Variants in ZDHHC15 observed in about 807,000 individuals in gnomAD.
ZDHHC15 encodes the protein palmitoyltransferase ZDHHC15.
In ZDHHC15, 19 loss-of-function variants were observed where a neutral mutation model predicts 31.7. The ratio of observed to expected loss-of-function variants is 0.60; its 90% CI spans 0.42 to 0.88. The LOEUF is 0.88. Ranked by LOEUF, ZDHHC15 falls within the 40% of genes least tolerant of loss-of-function variation. The pLI is 0.00. For missense variants in ZDHHC15, 209 were observed against 251.2 expected (o/e 0.83, Z 1.14); for synonymous variants, 103 against 90.0 (o/e 1.14, Z -0.82).
chrX:75,396,434 A>G (rs940680704), intron 10 of ZDHHC15, among the ~76,000 whole-genome samples: 2 of 112,225 alleles, frequency 1.8e-5, no homozygotes, highest in East Asian at 2.8e-4. Context: ...AATCAAAACT[A>G]TAATGAGACC....
At chrX:75,505,956 C>T in intron 1 of ZDHHC15, 109 bp from the exon 2 acceptor site, 2 of 701,322 alleles carry the variant, frequency 2.9e-6, no homozygotes, top group Non-Finnish European at 4.4e-6. Flanking sequence ...TCATTTTCCA[C>T]AGCATCATTT....
rs59446128 is a variant in ZDHHC15, at chrX:75,491,025, G to C, written c.164-12040C>G. Among the ~76,000 whole-genome samples, 55 of 111,807 alleles carry C rather than the reference G, an allele frequency of 4.9e-4. No individual in the cohort carries two copies. In the East Asian group the frequency reaches 0.015, roughly 30 times the overall value. On this transcript the variant is annotated intron_variant, in intron 2 of 11. Coordinates refer to ENST00000373367, the MANE Select transcript of ZDHHC15 (RefSeq NM_144969.3). ...AAATAGGAACACTTTTACACTGTTG[G>C]TGGGACTGTAAACTAGTTCAACCAT...
intron 4 of ZDHHC15, among the ~76,000 whole-genome samples, chrX:75,433,082 C>T (rs1335915500): frequency 1.8e-5 from 2 of 111,853 alleles, no homozygotes; most frequent in African/African-American, 6.5e-5. Flanking sequence ...AAACTCCTTA[C>T]CATGGCCTGT....
At chrX:75,477,447 G>T (rs1380273201) in intron 3 of ZDHHC15, among the ~76,000 whole-genome samples, 1 of 111,642 alleles carries the variant, frequency 9.0e-6, no homozygotes, top group East Asian at 2.8e-4. Context: ...TGCAAGTGGG[G>T]TATTGAAGTC....
chrX:75,392,226 T>C (rs1271144255), intron 10 of ZDHHC15, among the ~76,000 whole-genome samples: 5 of 111,857 alleles, frequency 4.5e-5, no homozygotes, highest in Non-Finnish European at 9.4e-5. Flanking sequence ...ACTGAAGAAC[T>C]TGGAGTCCAA....
At chrX:75,510,194 A>G (rs759548946) in intron 1 of ZDHHC15, among the ~76,000 whole-genome samples, 1 of 111,930 alleles carries the variant, frequency 8.9e-6, no homozygotes, top group African/African-American at 3.2e-5. Flanking sequence ...TAATAAAAAT[A>G]TAGATTCCAG....
chrX:75,407,534 C>T (rs1215671157), intron 10 of ZDHHC15, among the ~76,000 whole-genome samples: 12 of 110,148 alleles, frequency 1.1e-4, no homozygotes, highest in Non-Finnish European at 1.7e-4. Flanking sequence ...CCAGCCGCCC[C>T]GTCCGGGAGG....
chrX:75,421,441 T>TAA (rs1556003952), intron 9 of ZDHHC15, among the ~76,000 whole-genome samples: 1 of 65,766 alleles, frequency 1.5e-5, no homozygotes, highest in African/African-American at 7.3e-5. Flanking sequence ...ATAATATATA[T>TAA]TATATATATA....
At chrX:75,383,152 CTG>C (rs899197024) in intron 10 of ZDHHC15, among the ~76,000 whole-genome samples, 1 of 111,963 alleles carries the variant, frequency 8.9e-6, no homozygotes, top group Non-Finnish European at 1.9e-5. Flanking sequence ...CACTTGCTAG[CTG>C]TGTGACTTTG....
intron 4 of ZDHHC15, among the ~76,000 whole-genome samples, chrX:75,447,476 C>T (rs967372995): frequency 5.4e-5 from 6 of 112,124 alleles, no homozygotes; most frequent in African/African-American, 1.3e-4. Context: ...GGTGTTATCA[C>T]GTTCCCCATC....
chrX:75,489,259 G>A (rs771939696), intron 2 of ZDHHC15, among the ~76,000 whole-genome samples: 2 of 111,980 alleles, frequency 1.8e-5, no homozygotes, highest in South Asian at 3.8e-4. Context: ...CTCCCAGCAC[G>A]CAGATGGAGA....
intron 1 of ZDHHC15, among the ~76,000 whole-genome samples, chrX:75,516,602 C>A (rs2085360582): frequency 8.9e-6 from 1 of 112,260 alleles, no homozygotes; most frequent in Non-Finnish European, 1.9e-5. Flanking sequence ...GGATTAAAGA[C>A]TTAAATGTTA....
At chrX:75,463,312 A>G (rs1304493182) in intron 3 of ZDHHC15, among the ~76,000 whole-genome samples, 2 of 111,051 alleles carry the variant, frequency 1.8e-5, no homozygotes, top group Non-Finnish European at 3.8e-5. Flanking sequence ...TCACAGCTGA[A>G]TTCTACCAGA....
intron 2 of ZDHHC15, among the ~76,000 whole-genome samples, chrX:75,484,295 G>A (rs1163733483): frequency 9.0e-6 from 1 of 111,359 alleles, no homozygotes; most frequent in East Asian, 2.8e-4. Flanking sequence ...TGCTCCATGG[G>A]GAGGAATCAG....
chrX:75,461,576 C>A (rs1367749422), intron 3 of ZDHHC15, among the ~76,000 whole-genome samples: 1 of 111,866 alleles, frequency 8.9e-6, no homozygotes, highest in Non-Finnish European at 1.9e-5. Flanking sequence ...AGACTAACAG[C>A]AGATCTCCCA....
intron 10 of ZDHHC15, among the ~76,000 whole-genome samples, chrX:75,389,944 G>A (rs2083222710): frequency 8.9e-6 from 1 of 111,819 alleles, no homozygotes; most frequent in African/African-American, 3.3e-5. Flanking sequence ...CTCTTGAATG[G>A]CATTTCTATA....
intron 10 of ZDHHC15, among the ~76,000 whole-genome samples, chrX:75,416,124 C>A (rs888194371): frequency 2.7e-5 from 3 of 111,885 alleles, no homozygotes; most frequent in Non-Finnish European, 5.6e-5. Context: ...TAACTGTTTT[C>A]TTTTTTATCT....
intron 11 of ZDHHC15, among the ~76,000 whole-genome samples, chrX:75,375,859 G>A (rs990150507): frequency 4.5e-5 from 5 of 111,820 alleles, no homozygotes; most frequent in African/African-American, 1.6e-4. Context: ...GAATAGTGCT[G>A]TGATGAACAT....
intron 3 of ZDHHC15, among the ~76,000 whole-genome samples, chrX:75,476,130 C>T (rs763002527): frequency 3.3e-4 from 37 of 111,256 alleles, no homozygotes; most frequent in South Asian, 1.1e-3. Context: ...GGAATATTTA[C>T]GGTTTTCTAT....
Sources: allele counts gnomAD v4.1 joint callset (sites outside exome capture counted in the v4.1 genomes callset), GRCh38; gene constraint gnomAD v4.1.1; transcripts MANE v1.5; gene names NCBI Gene and HGNC (gene_info 2026-07-23, HGNC 2026-07-21).